The following AUTS2 variants were observed in gnomAD, a reference collection of about 807,000 sequenced individuals.
AUTS2 encodes activator of transcription and developmental regulator AUTS2.
AUTS2 carries 17 observed loss-of-function variants against 112.4 expected under a neutral mutation model. That is an observed-to-expected ratio of 0.15 (90% CI 0.10 to 0.23). AUTS2 has a LOEUF of 0.23. AUTS2 is among the 10% of genes least tolerant of loss of function. The pLI is 1.00. For synonymous variants in AUTS2, 751 were observed against 702.7 expected (o/e 1.07, Z -1.09); for missense variants, 1,510 against 1,701.6 (o/e 0.89, Z 1.98).
intron 1 of AUTS2, among the ~76,000 whole-genome samples, chr7:69,782,219 T>G (rs2129314909): frequency 6.6e-6 from 1 of 152,148 alleles, no homozygotes; most frequent in South Asian, 2.1e-4. Flanking sequence ...AGAGATCAGC[T>G]GGGCGTGGTG....
chr7:70,413,934 C>T (rs1377547870), intron 4 of AUTS2, among the ~76,000 whole-genome samples: 1 of 152,164 alleles, frequency 6.6e-6, no homozygotes, highest in Non-Finnish European at 1.5e-5. Flanking sequence ...CTCGGCCTCC[C>T]AAAGCGCTGG....
At chr7:70,287,199 G>A (rs1438829712) in intron 4 of AUTS2, among the ~76,000 whole-genome samples, 1 of 152,126 alleles carries the variant, frequency 6.6e-6, no homozygotes, top group East Asian at 1.9e-4. Flanking sequence ...TGAGTTTCAT[G>A]GACAGGGTCA....
At chr7:70,736,995 C>T (rs938932963) in intron 6 of AUTS2, among the ~76,000 whole-genome samples, 3 of 152,194 alleles carry the variant, frequency 2.0e-5, no homozygotes, top group African/African-American at 7.2e-5. Context: ...GATCATTTCC[C>T]TCATAACAGT....
intron 1 of AUTS2, among the ~76,000 whole-genome samples, chr7:69,772,277 A>G (rs968683929): frequency 2.2e-4 from 34 of 152,158 alleles, no homozygotes; most frequent in Admixed American, 1.6e-3. Context: ...AGAAATTCAC[A>G]TTTGTCCAGA....
At chr7:70,689,805 G>A (rs1054942092) in intron 5 of AUTS2, among the ~76,000 whole-genome samples, 12 of 145,550 alleles carry the variant, frequency 8.2e-5, no homozygotes, top group East Asian at 2.1e-4. Context: ...AAAAGATGTC[G>A]TTCCCTAGTA....
At chr7:70,506,186 TAGA>T (rs1563001846) in intron 5 of AUTS2, among the ~76,000 whole-genome samples, 2 of 151,762 alleles carry the variant, frequency 1.3e-5, no homozygotes, top group African/African-American at 4.8e-5. Flanking sequence ...TAACAGAAGG[TAGA>T]AGATTTCCCC....
intron 12 of AUTS2, 64 bp from the exon 13 acceptor site, chr7:70,775,293 T>G (rs1022423196): frequency 7.1e-7 from 1 of 1,400,114 alleles, no homozygotes; most frequent in African/African-American, 1.4e-5. Context: ...CACTACAAAT[T>G]TGTTAATTAG....
intron 13 of AUTS2, among the ~76,000 whole-genome samples, chr7:70,776,433 G>A (rs774529871): frequency 6.6e-6 from 1 of 152,152 alleles, no homozygotes; most frequent in Non-Finnish European, 1.5e-5. Context: ...GAGGGTGGAG[G>A]ATGGACTTGA....
At chr7:69,855,249 G>A (rs1336553152) in intron 1 of AUTS2, among the ~76,000 whole-genome samples, 1 of 152,176 alleles carries the variant, frequency 6.6e-6, no homozygotes, top group Non-Finnish European at 1.5e-5. Flanking sequence ...AGAGGTTATA[G>A]TTCATGGACA....
rs1259950854 is a variant in AUTS2 at position 70,790,638 on chromosome 7, G to A, written c.3422G>A (p.Arg1141Gln). 6.2e-6 allele frequency: 10 copies of A among 1,612,346 alleles called. No homozygotes were observed. Among genetic ancestry groups the A allele is most frequent in the Non-Finnish European group, 8.5e-6 (10 of 1,179,552 alleles). ...CACCCGCTGTCTGTGGACCCTCGGC[G>A]GGAGCACGAGCGGGGAGGCCACCTG... ...HHHPLSVDPR[R>Q]EHERGGHLDE... Residue 1141 changes from arginine to glutamine, a missense_variant, in exon 19 of 19, where the codon CGG becomes CAG. Arg to Gln is a conservative substitution (Grantham distance 43). Transcript: ENST00000342771. This position sits in a 1 kb window ranked among gnomAD's most constrained non-coding sequence, Gnocchi z 7.6.
intron 4 of AUTS2, among the ~76,000 whole-genome samples, chr7:70,308,045 G>A (rs1789566675): frequency 2.0e-5 from 3 of 152,184 alleles, no homozygotes; most frequent in Admixed American, 2.0e-4. Flanking sequence ...TGAAAGTTGT[G>A]TAGTTCAATG....
chr7:70,115,770 CTA>C (rs1464855611), intron 2 of AUTS2, among the ~76,000 whole-genome samples: 1 of 152,072 alleles, frequency 6.6e-6, no homozygotes, highest in Non-Finnish European at 1.5e-5. Flanking sequence ...ATCAGTATAA[CTA>C]TGTTATAACA....
chr7:69,876,622 G>A (rs1045287811), intron 1 of AUTS2, among the ~76,000 whole-genome samples: 3 of 146,830 alleles, frequency 2.0e-5, no homozygotes, highest in Admixed American at 7.0e-5. Context: ...TTTGATAGGT[G>A]TGAGACAGTC....
At chr7:70,719,582 G>A (rs1015247262) in intron 6 of AUTS2, among the ~76,000 whole-genome samples, 2 of 150,348 alleles carry the variant, frequency 1.3e-5, no homozygotes, top group East Asian at 4.0e-4. Flanking sequence ...TCCTGCCTCA[G>A]CCTCCCGAGT....
chr7:70,003,608 A>T (rs1249985688), intron 2 of AUTS2, among the ~76,000 whole-genome samples: 3 of 115,550 alleles, frequency 2.6e-5, no homozygotes, highest in African/African-American at 3.6e-5. Flanking sequence ...GTTATATATG[A>T]ATGTGTTATA....
intron 6 of AUTS2, chr7:70,698,869 G>C: frequency 2.8e-6 from 1 of 354,218 alleles, no homozygotes; most frequent in Non-Finnish European, 5.1e-6. Flanking sequence ...ACTACTATGT[G>C]ACTTTAATAT....
intron 1 of AUTS2, among the ~76,000 whole-genome samples, chr7:69,725,132 G>A (rs1490164370): frequency 1.3e-5 from 2 of 152,122 alleles, no homozygotes; most frequent in Non-Finnish European, 2.9e-5. Flanking sequence ...CTCTGGCCTG[G>A]TTTTGTTCTC....
intron 6 of AUTS2, among the ~76,000 whole-genome samples, chr7:70,708,849 C>T (rs912446178): frequency 2.8e-4 from 43 of 151,602 alleles, no homozygotes; most frequent in Admixed American, 1.9e-3. Context: ...CCATAAAGAT[C>T]TGTACATCAC....
intron 2 of AUTS2, among the ~76,000 whole-genome samples, chr7:70,024,209 C>T (rs987307981): frequency 6.6e-6 from 1 of 152,160 alleles, no homozygotes; most frequent in African/African-American, 2.4e-5. Context: ...AGTAAAAGAA[C>T]AGAAAAGAAG....
Sources: allele counts gnomAD v4.1 joint callset (sites outside exome capture counted in the v4.1 genomes callset), GRCh38; gene constraint gnomAD v4.1.1; non-coding constraint Gnocchi (gnomAD v3.1); transcripts MANE v1.5; gene names NCBI Gene and HGNC (gene_info 2026-07-23, HGNC 2026-07-21).